The following PTPRT variants were observed in gnomAD, a reference collection of about 807,000 sequenced individuals.
The protein encoded by PTPRT is receptor-type tyrosine-protein phosphatase T.
A neutral mutation model predicts 176.8 loss-of-function variants in PTPRT; 56 were observed. That is an observed-to-expected ratio of 0.32 (90% CI 0.26 to 0.40). The LOEUF (loss-of-function observed/expected upper bound fraction) is 0.40, where lower values mean the gene tolerates loss of function less well. Ranked by LOEUF, PTPRT falls within the 10% of genes least tolerant of loss-of-function variation. PTPRT has a pLI of 1.00. For synonymous variants in PTPRT, 783 were observed against 739.0 expected, an observed-to-expected ratio of 1.06 and a Z score of -0.96; for missense variants, 1,540 against 1,908.2, an observed-to-expected ratio of 0.81 and a Z score of 3.60.
intron 2 of PTPRT, among the ~76,000 whole-genome samples, chr20:42,843,393 TCTGCTGGGCAG>T (rs6147355): frequency 0.22 from 33,074 of 152,056 alleles, 3,797 homozygotes; most frequent in South Asian, 0.3. Context: ...CACCACGGCC[TCTGCTGGGCAG>T]CTGCTACTAG....
At chr20:42,486,035 T>C (rs2071458863) in intron 7 of PTPRT, among the ~76,000 whole-genome samples, 1 of 152,196 alleles carries the variant, frequency 6.6e-6, no homozygotes, top group Non-Finnish European at 1.5e-5. Flanking sequence ...AGTACAACAG[T>C]AGCTAGAAGA....
intron 1 of PTPRT, among the ~76,000 whole-genome samples, chr20:43,068,445 G>T (rs912700127): frequency 6.7e-6 from 1 of 149,182 alleles, no homozygotes; most frequent in Admixed American, 6.7e-5. Context: ...GGCGGAGGTT[G>T]CAGTAGCCGA....
intron 2 of PTPRT, among the ~76,000 whole-genome samples, chr20:42,856,743 G>A (rs186496338): frequency 6.6e-5 from 10 of 152,058 alleles, no homozygotes; most frequent in African/African-American, 1.4e-4. Flanking sequence ...TCTAGTCATC[G>A]TCAATGACAG....
chr20:42,687,180 T>C (rs924398165), intron 6 of PTPRT: 2 of 152,192 alleles, frequency 1.3e-5, no homozygotes, highest in Non-Finnish European at 2.9e-5. Flanking sequence ...TATTCTTATT[T>C]TGTGCCCCCC....
intron 1 of PTPRT, among the ~76,000 whole-genome samples, chr20:42,949,563 GC>G (rs773940937): frequency 7.9e-5 from 12 of 152,304 alleles, no homozygotes; most frequent in African/African-American, 2.6e-4. Context: ...ATTCATTTGA[GC>G]TGGCCAGCCA....
At chr20:42,916,721 G>A (rs375120207) in intron 1 of PTPRT, among the ~76,000 whole-genome samples, 2 of 152,130 alleles carry the variant, frequency 1.3e-5, no homozygotes, top group Non-Finnish European at 2.9e-5. Context: ...GCCAGTGATG[G>A]TGAGCATTTT....
intron 6 of PTPRT, among the ~76,000 whole-genome samples, chr20:42,755,850 C>T (rs8116789): frequency 8.8e-4 from 134 of 152,292 alleles, no homozygotes; most frequent in African/African-American, 3.1e-3. Flanking sequence ...AGCATACGAT[C>T]ACTAAGCATC....
At chr20:42,556,345 G>A (rs903891813) in intron 7 of PTPRT, among the ~76,000 whole-genome samples, 26 of 152,104 alleles carry the variant, frequency 1.7e-4, no homozygotes, top group African/African-American at 6.3e-4. Flanking sequence ...CCTGCAATTA[G>A]CTTGTGAGAC....
intron 7 of PTPRT, among the ~76,000 whole-genome samples, chr20:42,655,601 T>C (rs1470463905): frequency 6.6e-6 from 1 of 152,216 alleles, no homozygotes; most frequent in African/African-American, 2.4e-5. Flanking sequence ...TCAGGCCACA[T>C]CTGTGAATGG....
intron 7 of PTPRT, among the ~76,000 whole-genome samples, chr20:42,654,441 T>C (rs1388194600): frequency 6.6e-6 from 1 of 152,036 alleles, no homozygotes; most frequent in Non-Finnish European, 1.5e-5. Context: ...TGGCCACAAA[T>C]GAGAACATCC....
the PTPRT span, among the ~76,000 whole-genome samples, chr20:42,035,103 C>A: frequency 1.6e-3 from 249 of 152,148 alleles, no homozygotes; most frequent in Admixed American, 5.2e-3. Flanking sequence ...CTCAGGAAGC[C>A]CATGTCCGTC....
In PTPRT at chr20:42,288,804, G is replaced by A. The variant is rs1360350461; in HGVS notation, c.2140-6279C>T. Reference sequence around the variant, plus strand: ...AGGTTGATTCCATGTCTTTGCTATTGTGAATAGTTCTGTGATAGACATACA... The same window carrying A: ...AGGTTGATTCCATGTCTTTGCTATTATGAATAGTTCTGTGATAGACATACA... On this transcript the variant is annotated intron_variant, in intron 12 of 30. Coordinates refer to ENST00000373187, the MANE Select transcript of PTPRT (RefSeq NM_007050.6). 2.0e-5 allele frequency among the ~76,000 whole-genome samples: 3 copies of A among 152,056 alleles called. No homozygotes were observed. The East Asian group carries it at 5.8e-4, about 29-fold the overall frequency.
At chr20:42,202,672 A>G (rs1991500324) in intron 15 of PTPRT, among the ~76,000 whole-genome samples, 1 of 152,254 alleles carries the variant, frequency 6.6e-6, no homozygotes, top group African/African-American at 2.4e-5. Flanking sequence ...CTTTGCTTCT[A>G]TCTGAGCTCT....
intron 1 of PTPRT, among the ~76,000 whole-genome samples, chr20:42,920,738 AG>A (rs371651202): frequency 6.0e-4 from 91 of 152,334 alleles, no homozygotes; most frequent in African/African-American, 2.1e-3. Flanking sequence ...GTGAAAGAAG[AG>A]GAAAAAGAAA....
intron 26 of PTPRT, among the ~76,000 whole-genome samples, chr20:42,099,045 G>C (rs945215824): frequency 6.6e-6 from 1 of 152,370 alleles, no homozygotes; most frequent in Non-Finnish European, 1.5e-5. Context: ...GGTGGGCACT[G>C]TGTCATGTGA....
In PTPRT at chr20:42,337,436, A is replaced by G. The variant is rs540264062; in HGVS notation, c.1865+13192T>C. On this transcript the variant is annotated intron_variant, in intron 11 of 30. Transcript: ENST00000373187. ...TTTTCTCTACTGAGAACAGGGGATTATTTTTTCTACTTCAGGGCTGTATTG... is the reference window on the plus strand; with the variant it reads ...TTTTCTCTACTGAGAACAGGGGATTGTTTTTTCTACTTCAGGGCTGTATTG... Among the ~76,000 whole-genome samples the G allele has an allele frequency of 5.9e-5, 9 of 152,202 alleles. No homozygotes were observed. In the East Asian group the frequency reaches 1.7e-3, roughly 29 times the overall value.
chr20:43,127,572 C>T (rs1284634191), intron 1 of PTPRT, among the ~76,000 whole-genome samples: 1 of 152,152 alleles, frequency 6.6e-6, no homozygotes. Flanking sequence ...CATGTTCCTG[C>T]AGCCACAAAC....
At chr20:43,182,401 T>A (rs1210963461) in intron 1 of PTPRT, among the ~76,000 whole-genome samples, 1 of 152,002 alleles carries the variant, frequency 6.6e-6, no homozygotes, top group Non-Finnish European at 1.5e-5. Flanking sequence ...CTTCTTTTTT[T>A]TTTTTCCGAG....
At chr20:42,943,973 G>A (rs1278890744) in intron 1 of PTPRT, among the ~76,000 whole-genome samples, 1 of 152,022 alleles carries the variant, frequency 6.6e-6, no homozygotes, top group Non-Finnish European at 1.5e-5. Context: ...GAGCTATGAT[G>A]GCACCACTGC....
Sources: gnomAD v4.1 joint callset for allele counts (sites outside exome capture counted in the v4.1 genomes callset) on GRCh38, gnomAD v4.1.1 for gene constraint, MANE v1.5 for transcripts, NCBI Gene and HGNC (gene_info 2026-07-23, HGNC 2026-07-21) for gene names.